Variants in ADCY2 observed in about 807,000 individuals in gnomAD.
The protein encoded by ADCY2 is adenylate cyclase 2.
Under a neutral mutation model 125.2 loss-of-function variants are expected in ADCY2, and 31 were observed. The observed-to-expected ratio is 0.25, with a 90% CI of 0.19 to 0.33. The LOEUF is 0.33. Ranked by LOEUF, ADCY2 falls within the 10% of genes least tolerant of loss-of-function variation. The pLI is 1.00. For missense variants in ADCY2, 904 were observed against 1,418.2 expected (o/e 0.64, Z 5.82); for synonymous variants, 512 against 548.4 (o/e 0.93, Z 0.93).
intron 2 of ADCY2, among the ~76,000 whole-genome samples, chr5:7,501,886 C>A (rs929156209): frequency 6.6e-6 from 1 of 152,024 alleles, no homozygotes; most frequent in Non-Finnish European, 1.5e-5. Context: ...CCCACACTCT[C>A]GTCATTTCAA....
intron 7 of ADCY2, among the ~76,000 whole-genome samples, chr5:7,704,030 C>T (rs889644304): frequency 1.1e-4 from 16 of 144,724 alleles, no homozygotes; most frequent in African/African-American, 4.0e-4. Context: ...TTTGTTACAC[C>T]CCTACCCCCA....
chr5:7,483,220 C>T (rs1229915191), intron 2 of ADCY2, among the ~76,000 whole-genome samples: 1 of 152,020 alleles, frequency 6.6e-6, no homozygotes, highest in Non-Finnish European at 1.5e-5. Flanking sequence ...GATATCCTAA[C>T]TATCCTGATT....
chr5:7,400,410 A>G (rs1252945916), intron 1 of ADCY2, among the ~76,000 whole-genome samples: 1 of 152,246 alleles, frequency 6.6e-6, no homozygotes, highest in African/African-American at 2.4e-5. Context: ...ATGTTCCAGC[A>G]TCAGATATTT....
At chr5:7,770,034 A>G (rs1743509736) in intron 17 of ADCY2, among the ~76,000 whole-genome samples, 1 of 152,134 alleles carries the variant, frequency 6.6e-6, no homozygotes, top group Non-Finnish European at 1.5e-5. Flanking sequence ...GTCCTCTCCC[A>G]CACATCCCTG....
chr5:7,449,555 A>T (rs1355362008), intron 2 of ADCY2, among the ~76,000 whole-genome samples: 1 of 152,220 alleles, frequency 6.6e-6, no homozygotes, highest in African/African-American at 2.4e-5. Flanking sequence ...TAGCCAAAAA[A>T]TACATAAAAA....
At chr5:7,560,046 A>G (rs1200960452) in intron 3 of ADCY2, among the ~76,000 whole-genome samples, 2 of 152,246 alleles carry the variant, frequency 1.3e-5, no homozygotes, top group African/African-American at 2.4e-5. Context: ...TTCAAAGACA[A>G]GAGCATTAAT....
chr5:7,402,383 G>A (rs898909586), intron 1 of ADCY2, among the ~76,000 whole-genome samples: 1 of 152,218 alleles, frequency 6.6e-6, no homozygotes, highest in African/African-American at 2.4e-5. Context: ...TGAAGAGAGG[G>A]TTAGGAGAAG....
intron 14 of ADCY2, 78 bp from the exon 15 acceptor site, chr5:7,743,590 C>G: frequency 7.3e-7 from 1 of 1,365,742 alleles, no homozygotes; most frequent in Non-Finnish European, 1.0e-6. Context: ...CCTCGTTAAC[C>G]CAAAAGTATT....
In ADCY2 at chr5:7,549,949, T is replaced by A. The variant is rs551710278; in HGVS notation, c.570+29050T>A. ...TGATTTATTTTTCTCACAGCTTCCCTCTTTGGAATTCAGAATGTTCTCATC... is the reference window on the plus strand; with the variant it reads ...TGATTTATTTTTCTCACAGCTTCCCACTTTGGAATTCAGAATGTTCTCATC... On this transcript the variant is annotated intron_variant, in intron 3 of 24. Transcript: ENST00000338316. 2.7e-4 allele frequency among the ~76,000 whole-genome samples: 41 copies of A among 152,246 alleles called. No individual in the cohort carries two copies. In the South Asian group the frequency reaches 8.5e-3, roughly 32 times the overall value.
intron 3 of ADCY2, among the ~76,000 whole-genome samples, chr5:7,525,925 C>T (rs1231139950): frequency 6.6e-6 from 1 of 152,178 alleles, no homozygotes; most frequent in Non-Finnish European, 1.5e-5. Flanking sequence ...GCTCTGATCC[C>T]TGTACCCAGC....
At chr5:7,736,881 A>T (rs1038594590) in intron 14 of ADCY2, among the ~76,000 whole-genome samples, 3 of 152,206 alleles carry the variant, frequency 2.0e-5, no homozygotes, top group African/African-American at 7.2e-5. Flanking sequence ...TATGTGTTTA[A>T]TTGAAGGCCA....
intron 24 of ADCY2, among the ~76,000 whole-genome samples, chr5:7,823,535 G>A (rs1364245557): frequency 6.6e-6 from 1 of 152,126 alleles, no homozygotes; most frequent in East Asian, 1.9e-4. Flanking sequence ...AACATCGCTA[G>A]CCACTTCTAA....
intron 11 of ADCY2, among the ~76,000 whole-genome samples, chr5:7,716,502 C>T (rs530864723): frequency 1.7e-4 from 26 of 152,196 alleles, no homozygotes; most frequent in African/African-American, 2.9e-4. Flanking sequence ...TCAGTGTTGC[C>T]TTGTAAATGC....
At chr5:7,625,022 G>A (rs1335473019) in intron 3 of ADCY2, among the ~76,000 whole-genome samples, 1 of 152,222 alleles carries the variant, frequency 6.6e-6, no homozygotes, top group African/African-American at 2.4e-5. Flanking sequence ...TGATGATAAT[G>A]TAAATTGAAC....
intron 14 of ADCY2, among the ~76,000 whole-genome samples, chr5:7,741,999 A>G (rs554092220): frequency 1.2e-3 from 190 of 152,138 alleles, no homozygotes; most frequent in African/African-American, 4.3e-3. Context: ...ACCTCCAAGA[A>G]GATATCGTTC....
At chr5:7,423,468 TAGTG>T (rs1342707608) in intron 2 of ADCY2, among the ~76,000 whole-genome samples, 1 of 152,170 alleles carries the variant, frequency 6.6e-6, no homozygotes, top group African/African-American at 2.4e-5. Context: ...GTTCTGGTGA[TAGTG>T]AGTAAGTCTT....
intron 2 of ADCY2, among the ~76,000 whole-genome samples, chr5:7,513,106 C>CAG (rs1554015691): frequency 0.01 from 1,418 of 138,466 alleles, 23 homozygotes; most frequent in African/African-American, 0.018. Flanking sequence ...CACACACACA[C>CAG]AGAGAGAGAG....
chr5:7,492,119 G>C (rs1579499050), intron 2 of ADCY2, among the ~76,000 whole-genome samples: 1 of 152,120 alleles, frequency 6.6e-6, no homozygotes, highest in East Asian at 1.9e-4. Context: ...GTTTTCAGTA[G>C]GAAATTCTTG....
Position 7,712,888 on chromosome 5 carries a change from T to G in ADCY2, c.1611T>G (p.Asn537Lys). Residue 537 changes from asparagine to lysine, a missense_variant, in exon 11 of 25, where the codon AAT becomes AAG. By Grantham distance (94) the Asn-to-Lys change is moderately conservative. Coordinates refer to ENST00000338316, the MANE Select transcript of ADCY2 (RefSeq NM_020546.3). ...CCATGGGTCAGCATAATTTTCAAAATCGCACCTTAAGGTATGGTATCTCTC... is the reference window on the plus strand; with the variant it reads ...CCATGGGTCAGCATAATTTTCAAAAGCGCACCTTAAGGTATGGTATCTCTC... ...DVPMGQHNFQ[N>K]RTLRTKSQKK... The G allele has an allele frequency of 1.9e-6, 3 of 1,608,728 alleles. No individual in the cohort carries two copies. The highest frequency in any genetic ancestry group is 2.6e-6 in the Non-Finnish European group (3 of 1,175,642).
Sources: gnomAD v4.1 joint callset for allele counts (sites outside exome capture counted in the v4.1 genomes callset) on GRCh38, gnomAD v4.1.1 for gene constraint, MANE v1.5 for transcripts, NCBI Gene and HGNC (gene_info 2026-07-23, HGNC 2026-07-21) for gene names.